DAPK2: variants seen among roughly 807,000 people sequenced by gnomAD.
The protein encoded by DAPK2 is death-associated protein kinase 2.
Under a neutral mutation model 44.1 loss-of-function variants are expected in DAPK2, and 35 were observed. The observed-to-expected ratio is 0.79, with a 90% CI of 0.61 to 1.05. The LOEUF (loss-of-function observed/expected upper bound fraction) is 1.05, where lower values mean the gene tolerates loss of function less well. Among genes scored for constraint, DAPK2 ranks in the 50% least tolerant of loss-of-function variants. The probability of loss-of-function intolerance (pLI) is 0.00; values close to 1 mark genes in which losing one functional copy is unlikely to be tolerated. For synonymous variants in DAPK2, 174 were observed against 182.6 expected (o/e 0.95, Z 0.38); for missense variants, 453 against 483.2 (o/e 0.94, Z 0.59).
rs908765709 is a variant in DAPK2, at chr15:64,030,850, C to T, written c.92+9320G>A. ...AAAGTCTAGGGCACATGCCTATAGC[C>T]CTAGCTACTCAGGAAGCTGAGGCGG... On this transcript the variant is annotated intron_variant, in intron 1 of 10. Coordinates refer to ENST00000261891, the Ensembl canonical transcript of DAPK2. Among the ~76,000 whole-genome samples, 3 of 152,120 alleles carry T rather than the reference C, an allele frequency of 2.0e-5. No homozygotes were observed. In the East Asian group the frequency reaches 5.8e-4, roughly 29 times the overall value.
At chr15:63,985,842 C>T (rs927051814) in intron 1 of DAPK2, among the ~76,000 whole-genome samples, 3 of 152,180 alleles carry the variant, frequency 2.0e-5, no homozygotes, top group Non-Finnish European at 2.9e-5. Flanking sequence ...ATATCACATG[C>T]CTGAAAAATT....
At chr15:63,968,509 T>C (rs1355661771) in intron 3 of DAPK2, among the ~76,000 whole-genome samples, 6 of 152,200 alleles carry the variant, frequency 3.9e-5, no homozygotes, top group African/African-American at 1.2e-4. Flanking sequence ...TTAACAGAAC[T>C]GTACTCACAG....
intron 2 of DAPK2, among the ~76,000 whole-genome samples, chr15:63,975,822 G>T (rs1057022227): frequency 6.6e-6 from 1 of 152,060 alleles, no homozygotes; most frequent in Non-Finnish European, 1.5e-5. Context: ...TGGGACTCCT[G>T]ACCTCAAGCA....
chr15:63,982,757 CT>C (rs2078558556), intron 2 of DAPK2, among the ~76,000 whole-genome samples: 1 of 152,240 alleles, frequency 6.6e-6, no homozygotes, highest in Admixed American at 6.5e-5. Context: ...GGTCCTGCCA[CT>C]TCCTGGCTAT....
chr15:64,037,718 C>A (rs1946366475), intron 1 of DAPK2, among the ~76,000 whole-genome samples: 2 of 152,134 alleles, frequency 1.3e-5, no homozygotes, highest in African/African-American at 4.8e-5. Context: ...TGTTCTGTGG[C>A]CCCAGGCAAG....
upstream of DAPK2, among the ~76,000 whole-genome samples, chr15:64,042,530 G>A (rs916009030): frequency 6.6e-6 from 1 of 152,184 alleles, no homozygotes; most frequent in African/African-American, 2.4e-5. This position sits in a 1 kb window ranked among gnomAD's most constrained non-coding sequence, Gnocchi z 4.7. Context: ...AGCTCCATTT[G>A]CTGAGAGCAG....
At position 63,917,013 on chromosome 15, in the gene DAPK2, A is replaced by G. The variant is rs1042848400; in HGVS notation, c.859-4816T>C. The G allele has an allele frequency of 6.6e-6, 1 of 152,232 alleles. No homozygotes were observed. The highest frequency in any genetic ancestry group is 1.5e-5 in the Non-Finnish European group (1 of 68,074). 9.4% of individuals were successfully genotyped at this position (152,232 alleles called of 1,614,324 possible). ...AGGATGGAATGGGAATCCAGATGAG[A>G]TGAAGGAATTATTGCTGATTTTGTC... On this transcript the variant is annotated intron_variant, in intron 8 of 10. Transcript: ENST00000261891. This position sits in a 1 kb window ranked among gnomAD's most constrained non-coding sequence, Gnocchi z 4.4.
chr15:64,039,742 T>C lies in DAPK2; in HGVS notation c.92+428A>G, dbSNP rs563788756. On this transcript the variant is annotated intron_variant, in intron 1 of 10. Coordinates refer to ENST00000261891, the Ensembl canonical transcript of DAPK2. Reference sequence around the variant, plus strand: ...CGTGTGGCTGGTTACTCAACATAAATCCATTCTCAGGAGGATTACCTCACC... The same window carrying C: ...CGTGTGGCTGGTTACTCAACATAAACCCATTCTCAGGAGGATTACCTCACC... 1.2e-3 allele frequency among the ~76,000 whole-genome samples: 186 copies of C among 152,050 alleles called. 1 individual carries two copies. The highest frequency in any genetic ancestry group is 2.2e-3 in the Non-Finnish European group (152 of 67,990).
At chr15:64,033,961 G>C (rs980945313) in intron 1 of DAPK2, among the ~76,000 whole-genome samples, 3 of 151,724 alleles carry the variant, frequency 2.0e-5, no homozygotes, top group Non-Finnish European at 4.4e-5. Flanking sequence ...TCTACCTGTG[G>C]GGTGTGAGAC....
intron 3 of DAPK2, among the ~76,000 whole-genome samples, chr15:63,957,062 T>A (rs1418733398): frequency 2.6e-5 from 4 of 152,262 alleles, no homozygotes; most frequent in African/African-American, 9.6e-5. Flanking sequence ...GTTGATTTTC[T>A]GTCTGGATGA....
chr15:63,930,062 T>A (rs528409570), intron 5 of DAPK2, among the ~76,000 whole-genome samples: 1 of 152,232 alleles, frequency 6.6e-6, no homozygotes, highest in African/African-American at 2.4e-5. Flanking sequence ...CTTTCAGTGA[T>A]GACTTGGTTG....
In DAPK2 at chr15:63,966,334, CTTT is replaced by C. The variant is rs913049499; in HGVS notation, c.453+5086_453+5088del. ...GATGAAGTCCTCTTCACTTTTCCCT[CTTT>C]TCTCCTCAAGTGGAGGGAAGGATTC... is the stretch of plus-strand genomic sequence containing the variant. On this transcript the variant is annotated intron_variant, in intron 3 of 10. Transcript: ENST00000261891. This position sits in a 1 kb window ranked among gnomAD's most constrained non-coding sequence, Gnocchi z 5.5. 2.6e-5 allele frequency among the ~76,000 whole-genome samples: 4 copies of C among 152,230 alleles called. No homozygotes were observed. The highest frequency in any genetic ancestry group is 1.3e-4 in the Admixed American group (2 of 15,290).
intron 8 of DAPK2, among the ~76,000 whole-genome samples, chr15:63,915,333 G>T (rs2078898819): frequency 1.3e-5 from 2 of 152,112 alleles, no homozygotes; most frequent in Admixed American, 1.3e-4. Flanking sequence ...AAGGTGCTTA[G>T]CACCCTCCCC....
At chr15:64,001,686 A>T (rs1233189921) in intron 1 of DAPK2, among the ~76,000 whole-genome samples, 2 of 152,150 alleles carry the variant, frequency 1.3e-5, no homozygotes, top group Non-Finnish European at 2.9e-5. Context: ...ATGTTGTACC[A>T]GCGGCATTGA....
intron 1 of DAPK2, among the ~76,000 whole-genome samples, chr15:64,039,617 G>C (rs2080301924): frequency 6.6e-6 from 1 of 152,202 alleles, no homozygotes; most frequent in African/African-American, 2.4e-5. Flanking sequence ...CCTAACGATA[G>C]TACTTTCAGA....
In DAPK2 at chr15:63,957,343, A is replaced by C. The variant is rs556148396; in HGVS notation, c.453+14080T>G. ...ATGCATTTCTTGTAGGCAACATATCATTGGGTCTGGTTTTTTCTTTATTAT... is the reference window on the plus strand; with the variant it reads ...ATGCATTTCTTGTAGGCAACATATCCTTGGGTCTGGTTTTTTCTTTATTAT... On this transcript the variant is annotated intron_variant, in intron 3 of 10. Transcript: ENST00000261891. 7.9e-5 allele frequency among the ~76,000 whole-genome samples: 12 copies of C among 151,648 alleles called. No individual in the cohort carries two copies. The South Asian group carries it at 1.9e-3, about 24-fold the overall frequency.
At chr15:63,929,660 A>G in intron 5 of DAPK2, 83 bp from the exon 7 acceptor site, 1 of 1,562,606 alleles carries the variant, frequency 6.4e-7, no homozygotes. Flanking sequence ...ATCTAAGGGG[A>G]AGAGGTCACT....
At chr15:64,045,756 C>G (rs1435582596) in intron 1 of DAPK2, among the ~76,000 whole-genome samples, 2 of 152,218 alleles carry the variant, frequency 1.3e-5, no homozygotes, top group Non-Finnish European at 2.9e-5. Context: ...GCCGTTCCAC[C>G]CCAACCTGCA....
chr15:64,040,950 T>TACAAGCCC (rs1383714594), upstream of DAPK2, among the ~76,000 whole-genome samples: 1 of 140,982 alleles, frequency 7.1e-6, no homozygotes, highest in Non-Finnish European at 1.5e-5. Flanking sequence ...AAGTCCTAGG[T>TACAAGCCC]ACAAGCCCCA....
Sources: gnomAD v4.1 joint callset for allele counts (sites outside exome capture counted in the v4.1 genomes callset) on GRCh38, gnomAD v4.1.1 for gene constraint, Gnocchi (gnomAD v3.1) non-coding constraint, MANE v1.5 for transcripts, NCBI Gene and HGNC (gene_info 2026-07-23, HGNC 2026-07-21) for gene names.